The following ZNF200 variants were observed in gnomAD, a reference collection of about 807,000 sequenced individuals.
The protein encoded by ZNF200 is zinc finger protein 200.
In ZNF200, 35 loss-of-function variants were observed where a neutral mutation model predicts 33.6. That is an observed-to-expected ratio of 1.04 (90% CI 0.80 to 1.38). The LOEUF (loss-of-function observed/expected upper bound fraction) is 1.38, where lower values mean the gene tolerates loss of function less well. Among genes scored for constraint, ZNF200 ranks in the 40% most tolerant of loss-of-function variants. ZNF200 has a pLI of 0.00. For missense variants in ZNF200, 592 were observed against 470.6 expected (o/e 1.26, Z -2.39); for synonymous variants, 209 against 167.7 (o/e 1.25, Z -1.90).
At chr16:3,232,248 C>G (rs1392405199) in intron 4 of ZNF200, among the ~76,000 whole-genome samples, 173 bp downstream of exon 4, 1 of 152,172 alleles carries the variant, frequency 6.6e-6, no homozygotes, top group Non-Finnish European at 1.5e-5. Flanking sequence ...CACCCACCCA[C>G]AGCTGGAGTT....
chr16:3,226,624 T>C (rs1958480462), intron 4 of ZNF200: 1 of 152,244 alleles, frequency 6.6e-6, no homozygotes, highest in African/African-American at 2.4e-5. Flanking sequence ...TGATTTCTTG[T>C]CTAAATAATT....
chr16:3,232,662 A>C, intron 3 of ZNF200, 115 bp from the exon 4 acceptor site: 1 of 1,503,470 alleles, frequency 6.7e-7, no homozygotes, highest in Middle Eastern at 1.8e-4. Flanking sequence ...GGGACCTATA[A>C]ATCCCACAGA....
intron 4 of ZNF200, chr16:3,224,879 G>GC: frequency 2.3e-6 from 1 of 436,368 alleles, no homozygotes; most frequent in Non-Finnish European, 4.1e-6. Context: ...CTCTTCATAG[G>GC]TGTTAATTAC....
intron 4 of ZNF200, among the ~76,000 whole-genome samples, chr16:3,228,476 G>A (rs576671873): frequency 2.5e-4 from 37 of 150,594 alleles, no homozygotes; most frequent in Non-Finnish European, 4.9e-4. Flanking sequence ...AATATTAATA[G>A]ATTTGTATTA....
intron 4 of ZNF200, among the ~76,000 whole-genome samples, chr16:3,230,679 T>G (rs533318147): frequency 7.7e-4 from 118 of 152,344 alleles, no homozygotes; most frequent in Middle Eastern, 3.4e-3. Context: ...GTTTTTCCTT[T>G]GCAAAAATTG....
chr16:3,232,717 A>G lies in ZNF200; in HGVS notation c.339+116T>C, dbSNP rs1423280569. On this transcript the variant is annotated intron_variant, in intron 3 of 4. Transcript: ENST00000414144. ...AGCCAGGCTGAGAAGGGCTCAAGGA[A>G]AAAGCAGAAGAAAAACACCCAAGAA... The G allele has an allele frequency of 2.8e-6, 4 of 1,431,928 alleles. No homozygotes were observed. The African/African-American group carries it at 4.3e-5, about 15-fold the overall frequency. 88.7% of individuals were successfully genotyped at this position (1,431,928 alleles called of 1,614,324 possible).
In ZNF200 at chr16:3,224,397, A is replaced by C. The variant is rs1320134697; in HGVS notation, c.683T>G (p.Leu228Arg). 1 of 1,614,112 alleles carries C rather than the reference A, an allele frequency of 6.2e-7. No individual in the cohort carries two copies. The highest frequency in any genetic ancestry group is 8.5e-7 in the Non-Finnish European group (1 of 1,180,052). The change falls in exon 5 of 5, where the codon CTA (leucine) becomes CGA (arginine). Residue 228 changes from leucine (L) to arginine (R), a missense_variant. Transcript: ENST00000414144. ...GTCTACATATTTTGAGAGTTCCTCT[A>C]GAGGAGTATCATTCTCAATGGTAAC... is the stretch of plus-strand genomic sequence containing the variant. ...LLVTIENDTP[L>R]EELSKYVDIS...
chr16:3,232,084 G>A (rs1958649241), intron 4 of ZNF200, among the ~76,000 whole-genome samples: 1 of 152,140 alleles, frequency 6.6e-6, no homozygotes, highest in South Asian at 2.1e-4. Context: ...GATTACAAGA[G>A]TTAGTCATGT....
chr16:3,230,515 T>C (rs574754040), intron 4 of ZNF200, among the ~76,000 whole-genome samples: 1 of 152,348 alleles, frequency 6.6e-6, no homozygotes, highest in South Asian at 2.1e-4. Flanking sequence ...ACAGTAGCTA[T>C]AATAAGAATT....
At chr16:3,234,329 G>C (rs1486379074) in intron 1 of ZNF200, 1 of 152,434 alleles carries the variant, frequency 6.6e-6, no homozygotes, top group Non-Finnish European at 1.5e-5. Context: ...GTGCCCAGGA[G>C]GTCGAGGCTG....
At chr16:3,232,962 A>G in intron 2 of ZNF200, 41 bp from the exon 3 acceptor site, 1 of 1,573,568 alleles carries the variant, frequency 6.4e-7, no homozygotes, top group Non-Finnish European at 8.7e-7. Flanking sequence ...AAACTCAGTG[A>G]CTCTAACACA....
intron 1 of ZNF200, chr16:3,234,741 G>C (rs554856253): frequency 3.0e-4 from 45 of 152,384 alleles, no homozygotes; most frequent in African/African-American, 1.1e-3. Flanking sequence ...ACCGCCTGCC[G>C]ACTCCTCTCC....
At chr16:3,234,061 G>A in intron 1 of ZNF200, 1 of 241,510 alleles carries the variant, frequency 4.1e-6, no homozygotes, top group Non-Finnish European at 8.0e-6. Flanking sequence ...AAGTCCAAAG[G>A]GAAGGGAGTA....
rs1470541481 is a variant in ZNF200 at position 3,222,611 on chromosome 16, AT to A, written c.*1280del. The A allele has an allele frequency of 1.3e-5, 2 of 152,212 alleles. No homozygotes were observed. The highest frequency in any genetic ancestry group is 4.8e-5 in the African/African-American group (2 of 41,452). 9.4% of individuals were successfully genotyped at this position (152,212 alleles called of 1,614,324 possible). On this transcript the variant is annotated 3_prime_UTR_variant, in exon 5 of 5. Coordinates refer to ENST00000414144, the MANE Select transcript of ZNF200 (RefSeq NM_198088.3). ...TTCTGGATGGGAAACATACACTATA[AT>A]TTTTCCCAAATAGCTTATAGGATTT...
Position 3,224,216 on chromosome 16 carries a change from G to A in ZNF200, c.864C>T (p.Ser288=), listed in dbSNP as rs901076667. 5 of 1,614,168 alleles carry A rather than the reference G, an allele frequency of 3.1e-6. No individual in the cohort carries two copies. Among genetic ancestry groups the A allele is most frequent in the Non-Finnish European group, 4.2e-6 (5 of 1,180,030 alleles). ...KPYDCNHCGK[S]FNHKTNLNKH... is the part of the protein sequence containing the mutation. ...TATTGAGGTTTGTTTTATGATTGAA[G>A]CTTTTCCCACAGTGATTACAGTCAT... Residue 288 remains serine, a synonymous_variant, in exon 5 of 5, where the codon AGC becomes AGT. Transcript: ENST00000414144.
intron 4 of ZNF200, among the ~76,000 whole-genome samples, chr16:3,232,210 C>T (rs1273388990): frequency 6.6e-6 from 1 of 152,160 alleles, no homozygotes; most frequent in Non-Finnish European, 1.5e-5. Flanking sequence ...TCTCCCCTCA[C>T]TGCCCCCAAG....
Position 3,224,170 on chromosome 16 carries a change from C to T in ZNF200, c.910G>A (p.Gly304Arg), listed in dbSNP as rs889659891. The part of the protein sequence containing the change: ...NLNKHERIHT[G>R]EKPYSCSQCG... ...TGAGAACAGGAATAAGGTTTCTCTC[C>T]TGTATGAATTCGCTCATGTTTATTG... Residue 304 changes from glycine to arginine, a missense_variant, in exon 5 of 5, where the codon GGA (glycine) becomes AGA (arginine). Physicochemically the swap from Gly to Arg is moderately radical, Grantham distance 125. Transcript: ENST00000414144. The T allele has an allele frequency of 3.1e-6, 5 of 1,614,032 alleles. No homozygotes were observed. In the African/African-American group the frequency reaches 4.0e-5, roughly 13 times the overall value.
At position 3,224,102 on chromosome 16, in the gene ZNF200, A is replaced by G; in HGVS notation, c.978T>C (p.His326=). 6.2e-7 allele frequency: 1 copy of G among 1,614,154 alleles called. No individual in the cohort carries two copies. The stretch of plus-strand genomic sequence containing the variant: ...TCTTCTCCCTTATATGGATTCCTTC[A>G]TGACGACTCCGATGAGAATTCTGAC... The part of the protein sequence containing the change: ...NFRQNSHRSR[H]EGIHIREKIF... Residue 326 remains histidine (H), a synonymous_variant, in exon 5 of 5, where the codon CAT becomes CAC. Transcript: ENST00000414144.
At chr16:3,227,697 T>TGAAGATGATGCCTTGC (rs1453545075) in intron 4 of ZNF200, 1 of 152,246 alleles carries the variant, frequency 6.6e-6, no homozygotes, top group African/African-American at 2.4e-5. Flanking sequence ...TGCTGCCTTG[T>TGAAGATGATGCCTTGC]GAAGATGATG....
Sources: gnomAD v4.1 joint callset for allele counts (sites outside exome capture counted in the v4.1 genomes callset) on GRCh38, gnomAD v4.1.1 for gene constraint, MANE v1.5 for transcripts, NCBI Gene and HGNC (gene_info 2026-07-23, HGNC 2026-07-21) for gene names.